ANKIB1: variants seen among roughly 807,000 people sequenced by gnomAD.
The protein encoded by ANKIB1 is ankyrin repeat and IBR domain-containing protein 1.
ANKIB1 carries 43 observed loss-of-function variants against 122.1 expected under a neutral mutation model. The ratio of observed to expected loss-of-function variants is 0.35; its 90% CI spans 0.28 to 0.45. ANKIB1 has a LOEUF of 0.45. ANKIB1 is among the 20% of genes least tolerant of loss of function. The pLI, the probability that ANKIB1 is intolerant of heterozygous loss-of-function variation, is 1.00. For missense variants in ANKIB1, 992 were observed against 1,329.5 expected, an observed-to-expected ratio of 0.75 and a Z score of 3.95; for synonymous variants, 390 against 442.0, an observed-to-expected ratio of 0.88 and a Z score of 1.48.
At chr7:92,346,233 A>G (rs1803536872) in intron 7 of ANKIB1, among the ~76,000 whole-genome samples, 1 of 151,588 alleles carries the variant, frequency 6.6e-6, no homozygotes, top group Non-Finnish European at 1.5e-5. Flanking sequence ...GGTTCAAGCG[A>G]TTCTCATTGC....
chr7:92,360,932 T>G (rs989460213), intron 9 of ANKIB1, among the ~76,000 whole-genome samples: 1 of 152,084 alleles, frequency 6.6e-6, no homozygotes, highest in African/African-American at 2.4e-5. Flanking sequence ...TGGCATGATG[T>G]CAGCTCACTG....
Position 92,398,858 on chromosome 7 carries a change from A to G in ANKIB1, c.3179A>G (p.Asn1060Ser). The change falls in exon 20 of 20, where the codon AAC becomes AGC. Residue 1060 changes from asparagine (N) to serine (S), a missense_variant. Coordinates refer to ENST00000265742, the MANE Select transcript of ANKIB1 (RefSeq NM_019004.2). ...GCATCTCAAGCTGGTGACAGTGGTA[A>G]CGAGGCAGCCAACAGAGGAGATGGT... Reference protein sequence around the residue: ...EAASQAGDSGNEAANRGDGSD... With the variant: ...EAASQAGDSGSEAANRGDGSD... The G allele has an allele frequency of 6.2e-7, 1 of 1,605,404 alleles. No individual in the cohort carries two copies. The highest frequency in any genetic ancestry group is 8.5e-7 in the Non-Finnish European group (1 of 1,175,716).
chr7:92,397,669 A>G (rs1257022800), intron 18 of ANKIB1, 54 bp from the exon 19 acceptor site: 4 of 1,599,002 alleles, frequency 2.5e-6, no homozygotes, highest in Non-Finnish European at 3.4e-6. Context: ...TGAAAAAAAT[A>G]AATAAGTCTT....
chr7:92,284,744 T>C (rs1239918178), intron 1 of ANKIB1, among the ~76,000 whole-genome samples: 1 of 152,198 alleles, frequency 6.6e-6, no homozygotes, highest in Non-Finnish European at 1.5e-5. Flanking sequence ...AAATGGAACT[T>C]GTGATTTACT....
rs1387016937 is a variant in ANKIB1 at position 92,295,125 on chromosome 7, A to C, written c.147A>C (p.Pro49=). 1 of 1,569,182 alleles carries C rather than the reference A, an allele frequency of 6.4e-7. No homozygotes were observed. The highest frequency in any genetic ancestry group is 1.4e-5 in the African/African-American group (1 of 73,944). ...GGGAGCCCTACCAGCACAATACTCC[A>C]TTACATTATGCTGCTAGACATGGAA... is the stretch of plus-strand genomic sequence containing the variant. ...SYGEPYQHNT[P]LHYAARHGMN... is the part of the protein sequence containing the mutation. Residue 49 remains proline (P), a synonymous_variant, in exon 2 of 20, where the codon CCA becomes CCC. Coordinates refer to ENST00000265742, the MANE Select transcript of ANKIB1 (RefSeq NM_019004.2).
intron 7 of ANKIB1, among the ~76,000 whole-genome samples, chr7:92,349,224 G>C (rs529747733): frequency 1.3e-5 from 2 of 152,298 alleles, no homozygotes; most frequent in African/African-American, 4.8e-5. Flanking sequence ...GGGGTTTAAA[G>C]AGAAAGCTCT....
At chr7:92,248,888 C>CTT (rs778549860) in intron 1 of ANKIB1, among the ~76,000 whole-genome samples, 5,538 of 122,980 alleles carry the variant, frequency 0.045, 461 homozygotes, top group East Asian at 0.34. Context: ...TCTTTTCTTT[C>CTT]TTTTTTTTTT....
chr7:92,251,442 C>T (rs1260544090), intron 1 of ANKIB1, among the ~76,000 whole-genome samples: 1 of 152,102 alleles, frequency 6.6e-6, no homozygotes, highest in African/African-American at 2.4e-5. Context: ...ATAGGTGATT[C>T]ACATTTGCTG....
intron 4 of ANKIB1, 154 bp downstream of exon 4, chr7:92,319,666 C>T (rs988239487): frequency 1.3e-6 from 1 of 774,996 alleles, no homozygotes; most frequent in Admixed American, 3.3e-5. Context: ...TATAAAAATA[C>T]ATCTAGGCCA....
chr7:92,343,605 G>T (rs1468733986), intron 6 of ANKIB1, among the ~76,000 whole-genome samples: 1 of 152,124 alleles, frequency 6.6e-6, no homozygotes, highest in African/African-American at 2.4e-5. Flanking sequence ...GCCAAGGTGG[G>T]TGGATTGCCT....
intron 3 of ANKIB1, among the ~76,000 whole-genome samples, chr7:92,313,024 C>A (rs997724416): frequency 1.3e-5 from 2 of 152,094 alleles, no homozygotes; most frequent in Non-Finnish European, 2.9e-5. Flanking sequence ...CATTAGGCCT[C>A]ATTATGTTTC....
At chr7:92,397,684 G>T in intron 18 of ANKIB1, 39 bp from the exon 19 acceptor site, 1 of 1,603,764 alleles carries the variant, frequency 6.2e-7, no homozygotes. Flanking sequence ...AGTCTTATTT[G>T]TCACTAAATT....
At chr7:92,365,058 A>G (rs1302409649) in intron 10 of ANKIB1, among the ~76,000 whole-genome samples, 3 of 152,220 alleles carry the variant, frequency 2.0e-5, no homozygotes, top group African/African-American at 7.2e-5. Context: ...TTAGGAATAA[A>G]TTGTTAATTT....
intron 1 of ANKIB1, among the ~76,000 whole-genome samples, chr7:92,286,640 C>T (rs1210306169): frequency 6.6e-6 from 1 of 151,850 alleles, no homozygotes; most frequent in African/African-American, 2.4e-5. Flanking sequence ...CCACCATGCC[C>T]AGCTAATTTT....
intron 2 of ANKIB1, among the ~76,000 whole-genome samples, chr7:92,296,747 C>T (rs1346411169): frequency 1.3e-5 from 2 of 152,042 alleles, no homozygotes; most frequent in Non-Finnish European, 2.9e-5. Context: ...GTATTTTACA[C>T]AGAGTAAATA....
At chr7:92,304,297 ACT>A (rs1343403050) in intron 2 of ANKIB1, among the ~76,000 whole-genome samples, 4 of 151,968 alleles carry the variant, frequency 2.6e-5, no homozygotes, top group Non-Finnish European at 5.9e-5. Flanking sequence ...ATAATTTGAG[ACT>A]CTTTCTTGAA....
intron 1 of ANKIB1, among the ~76,000 whole-genome samples, chr7:92,260,675 CCT>C (rs2131881264): frequency 6.6e-6 from 1 of 151,032 alleles, no homozygotes; most frequent in African/African-American, 2.4e-5. Context: ...AAAGCGAGAC[CCT>C]GTCTCAAAAA....
At chr7:92,278,275 G>T (rs1185099262) in intron 1 of ANKIB1, among the ~76,000 whole-genome samples, 4 of 151,860 alleles carry the variant, frequency 2.6e-5, no homozygotes, top group African/African-American at 2.4e-5. Flanking sequence ...ATAAAATAAA[G>T]AATTTTTTAA....
chr7:92,264,374 A>G (rs1046787685), intron 1 of ANKIB1, among the ~76,000 whole-genome samples: 4 of 152,014 alleles, frequency 2.6e-5, no homozygotes, highest in African/African-American at 9.7e-5. Context: ...TCAGGAATCA[A>G]TCTTTCATTT....
Sources: gnomAD v4.1 joint callset for allele counts (sites outside exome capture counted in the v4.1 genomes callset) on GRCh38, gnomAD v4.1.1 for gene constraint, MANE v1.5 for transcripts, NCBI Gene and HGNC (gene_info 2026-07-23, HGNC 2026-07-21) for gene names.